Variants in HIGD1B observed in about 807,000 individuals in gnomAD.
HIGD1B encodes the protein HIG1 domain family member 1B.
Under a neutral mutation model 8.8 loss-of-function variants are expected in HIGD1B, and 9 were observed. The ratio of observed to expected loss-of-function variants is 1.02; its 90% confidence interval spans 0.62 to 1.78. HIGD1B has a LOEUF of 1.78. Ranked by LOEUF, HIGD1B falls within the 40% of genes most tolerant of loss-of-function variation. The probability of loss-of-function intolerance (pLI) is 0.00; values close to 1 mark genes in which losing one functional copy is unlikely to be tolerated. For synonymous variants in HIGD1B, 47 were observed against 38.8 expected (o/e 1.21, Z -0.78); for missense variants, 126 against 111.8 (o/e 1.13, Z -0.57).
chr17:44,849,139 G>T, intron 1 of HIGD1B, 115 bp from the exon 2 acceptor site: 14 of 1,185,196 alleles, frequency 1.2e-5, no homozygotes, highest in Non-Finnish European at 1.5e-5. Context: ...GCCACCAGAT[G>T]CTGCATAAAA....
chr17:44,849,277 G>A lies in HIGD1B; in HGVS notation c.124G>A (p.Ala42Thr). 2 of 1,614,126 alleles carry A rather than the reference G, an allele frequency of 1.2e-6. No individual in the cohort carries two copies. Among genetic ancestry groups the A allele is most frequent in the South Asian group, 1.1e-5 (1 of 91,074 alleles). ...PIGLGGCLVV[A>T]AYRIYRLRSR... ...AGGCTTAGGAGGCTGCTTGGTGGTA[G>A]CAGCATACAGGATTTACCGGCTGAG... Residue 42 changes from alanine to threonine, a missense_variant, in exon 2 of 3, where the codon GCA becomes ACA. Transcript: ENST00000253410.
At chr17:44,849,034 C>CAA in intron 1 of HIGD1B, 1 of 477,404 alleles carries the variant, frequency 2.1e-6, no homozygotes, top group Non-Finnish European at 3.7e-6. Context: ...CTCAGTCTCC[C>CAA]AAAAGTGCTG....
rs914032971 is a variant in HIGD1B, at chr17:44,847,883, A to T, written c.-270A>T. ...TGGGGGAAGGGGAAGCTGAGAAAGC[A>T]GTGAAGACAGAATGAGCTGGGGAAG... On this transcript the variant is annotated 5_prime_UTR_variant, in exon 1 of 3. Transcript: ENST00000253410. 1 of 347,352 alleles carries T rather than the reference A, an allele frequency of 2.9e-6. No homozygotes were observed. Among genetic ancestry groups the T allele is most frequent in the African/African-American group, 2.2e-5 (1 of 46,178 alleles). 21.5% of individuals were successfully genotyped at this position (347,352 alleles called of 1,614,324 possible).
upstream of HIGD1B, among the ~76,000 whole-genome samples, chr17:44,845,382 G>A (rs530991680): frequency 3.0e-4 from 45 of 152,182 alleles, no homozygotes; most frequent in African/African-American, 1.0e-3. Context: ...TGGAAGCTGG[G>A]CCCTGTAGCT....
Position 44,848,645 on chromosome 17 carries a change from TCG to T in HIGD1B, c.100+394_100+395del, listed in dbSNP as rs1198552967. Among the ~76,000 whole-genome samples, 10 of 143,034 alleles carry T rather than the reference TCG, an allele frequency of 7.0e-5. No individual in the cohort carries two copies. The East Asian group carries it at 1.1e-3, about 15-fold the overall frequency. The allele number at this position is 143,034 out of a possible 152,430, so 93.8% of individuals were successfully genotyped here. A position where few individuals can be genotyped will look rare whatever the true frequency, so the allele number is the denominator to read the frequency against. On this transcript the variant is annotated intron_variant, in intron 1 of 2. Coordinates refer to ENST00000253410, the MANE Select transcript of HIGD1B (RefSeq NM_016438.4). ...AGCAAATTGGTGGGGAGGGGCTGTG[TCG>T]TGGTGATCAGCTATTTGTATCTGGG...
chr17:44,849,190 T>G, intron 1 of HIGD1B, 64 bp from the exon 2 acceptor site: 1 of 1,578,164 alleles, frequency 6.3e-7, no homozygotes, highest in Non-Finnish European at 8.6e-7. Context: ...TGGTAAGGTA[T>G]CTCTCATCAG....
chr17:44,850,467 T>C lies in HIGD1B; in HGVS notation c.*71T>C. On this transcript the variant is annotated 3_prime_UTR_variant, in exon 3 of 3. Coordinates refer to ENST00000253410, the MANE Select transcript of HIGD1B (RefSeq NM_016438.4). ...CTGGTACATTCCTAATAAAGCAGTT[T>C]TGAGGAAAATCAACAGACTCTTTTT... The C allele has an allele frequency of 2.6e-6, 3 of 1,169,688 alleles. No homozygotes were observed. In the South Asian group the frequency reaches 3.9e-5, roughly 15 times the overall value. 72.5% of individuals were successfully genotyped at this position (1,169,688 alleles called of 1,614,324 possible). A position where few individuals can be genotyped will look rare whatever the true frequency, so the allele number is the denominator to read the frequency against.
rs754135855 is a variant in HIGD1B at position 44,849,338 on chromosome 17, T to A, written c.185T>A (p.Ile62Asn). 1 of 1,614,116 alleles carries A rather than the reference T, an allele frequency of 6.2e-7. No individual in the cohort carries two copies. The highest frequency in any genetic ancestry group is 2.2e-5 in the East Asian group (1 of 44,876). The stretch of plus-strand genomic sequence containing the variant: ...TCCACCAAGATGTCCATACACCTGA[T>A]TCACACCCGAGTGGCAGCGCAGGCC... ...RGSTKMSIHL[I>N]HTRVAAQACA... is the part of the protein sequence containing the mutation. The change falls in exon 2 of 3, where the codon ATT (isoleucine) becomes AAT (asparagine). Residue 62 changes from isoleucine (I) to asparagine (N), a missense_variant. Transcript: ENST00000253410.
chr17:44,848,802 A>C (rs1424887027), intron 1 of HIGD1B, among the ~76,000 whole-genome samples: 1 of 151,930 alleles, frequency 6.6e-6, no homozygotes, highest in Non-Finnish European at 1.5e-5. Context: ...TTTGAGATGG[A>C]GTTTCACTCG....
chr17:44,849,309 T>C lies in HIGD1B; in HGVS notation c.156T>C (p.Arg52=), dbSNP rs770795863. ...ACAGGATTTACCGGCTGAGGTCTCG[T>C]GGTTCCACCAAGATGTCCATACACC... ...AAYRIYRLRS[R]GSTKMSIHLI... The change falls in exon 2 of 3, where the codon CGT becomes CGC. Residue 52 remains arginine (R), a synonymous_variant. Transcript: ENST00000253410. The C allele has an allele frequency of 2.5e-6, 4 of 1,614,158 alleles. No homozygotes were observed. Among genetic ancestry groups the C allele is most frequent in the Non-Finnish European group, 3.4e-6 (4 of 1,179,994 alleles).
chr17:44,847,283 A>T (rs950527111), upstream of HIGD1B, among the ~76,000 whole-genome samples: 1 of 152,018 alleles, frequency 6.6e-6, no homozygotes, highest in Non-Finnish European at 1.5e-5. Flanking sequence ...AATACAAAAA[A>T]TTAGCCGGGC....
At chr17:44,848,277 C>A (rs761679050) in intron 1 of HIGD1B, 25 bp downstream of exon 1, 2 of 867,832 alleles carry the variant, frequency 2.3e-6, no homozygotes, top group Non-Finnish European at 4.0e-6. Context: ...GAATGGGGTG[C>A]CGAGTAGGAG....
chr17:44,848,546 T>C (rs1437452911), intron 1 of HIGD1B, among the ~76,000 whole-genome samples: 2 of 152,108 alleles, frequency 1.3e-5, no homozygotes, highest in Admixed American at 6.5e-5. Flanking sequence ...TCCTTCCTTA[T>C]GGCCCTGGTA....
chr17:44,849,075 C>T, intron 1 of HIGD1B, 179 bp from the exon 2 acceptor site: 1 of 622,646 alleles, frequency 1.6e-6, no homozygotes, highest in Non-Finnish European at 2.6e-6. Flanking sequence ...CATGCCCCGG[C>T]AACAACTCAA....
At chr17:44,845,730 G>C (rs935126308), upstream of HIGD1B, among the ~76,000 whole-genome samples, 2 of 151,966 alleles carry the variant, frequency 1.3e-5, no homozygotes, top group African/African-American at 4.8e-5. Flanking sequence ...TCAGGATTTC[G>C]AGACCAGCCC....
Position 44,849,487 on chromosome 17 carries a change from C to T in HIGD1B, c.235+99C>T, listed in dbSNP as rs536888933. The stretch of plus-strand genomic sequence containing the variant: ...ATTAAAAGGACTGTGCTTGGCTGGG[C>T]GCGGTGGTTCACGCCTGTAATCTCA... On this transcript the variant is annotated intron_variant, in intron 2 of 2. Coordinates refer to ENST00000253410, the MANE Select transcript of HIGD1B (RefSeq NM_016438.4). 1.7e-4 allele frequency: 242 copies of T among 1,427,832 alleles called. 1 individual carries two copies. The highest frequency in any genetic ancestry group is 1.7e-3 in the Middle Eastern group (9 of 5,372). The allele number at this position is 1,427,832 out of a possible 1,614,324, so 88.4% of individuals were successfully genotyped here.
intron 2 of HIGD1B, 92 bp from the exon 3 acceptor site, chr17:44,850,240 G>A: frequency 1.1e-6 from 1 of 913,788 alleles, no homozygotes; most frequent in Admixed American, 2.2e-5. Flanking sequence ...TCTCAAGGGA[G>A]CAGCTAGAGG....
chr17:44,850,381 T>C lies in HIGD1B; in HGVS notation c.285T>C (p.Asp95=), dbSNP rs1381065206. The C allele has an allele frequency of 1.2e-6, 2 of 1,612,978 alleles. No individual in the cohort carries two copies. The highest frequency in any genetic ancestry group is 1.7e-6 in the Non-Finnish European group (2 of 1,179,398). Residue 95 remains aspartate, a synonymous_variant, in exon 3 of 3, where the codon GAT becomes GAC. Coordinates refer to ENST00000253410, the MANE Select transcript of HIGD1B (RefSeq NM_016438.4). ...YSDYVKRMAQ[D]AGEK ...ATTACGTCAAGAGGATGGCACAGGA[T>C]GCTGGAGAGAAGTAGGACTCCTATA...
At chr17:44,850,248 A>C (rs2050417490) in intron 2 of HIGD1B, 84 bp from the exon 3 acceptor site, 2 of 1,032,982 alleles carry the variant, frequency 1.9e-6, no homozygotes, top group Non-Finnish European at 2.9e-6. Flanking sequence ...GAGCAGCTAG[A>C]GGTGAACCCC....
Sources: gnomAD v4.1 joint callset for allele counts (sites outside exome capture counted in the v4.1 genomes callset) on GRCh38, gnomAD v4.1.1 for gene constraint, MANE v1.5 for transcripts, NCBI Gene and HGNC (gene_info 2026-07-23, HGNC 2026-07-21) for gene names.